RBFOX1: variants seen among roughly 807,000 people sequenced by gnomAD.
RBFOX1 encodes the protein RNA binding fox-1 homolog 1, also known as RNA binding protein fox-1 homolog 1.
Under a neutral mutation model 57.7 loss-of-function variants are expected in RBFOX1, and 8 were observed. The ratio of observed to expected loss-of-function variants is 0.14; its 90% CI spans 0.08 to 0.25. The LOEUF (loss-of-function observed/expected upper bound fraction) is 0.25. RBFOX1 is among the 10% of genes least tolerant of loss of function. The pLI is 1.00. For synonymous variants in RBFOX1, 326 were observed against 222.4 expected, an observed-to-expected ratio of 1.47 and a Z score of -4.15; for missense variants, 611 against 548.5, an observed-to-expected ratio of 1.11 and a Z score of -1.14.
chr16:5,250,526 G>C (rs1219629436), intron 1 of RBFOX1, among the ~76,000 whole-genome samples: 7 of 152,096 alleles, frequency 4.6e-5, no homozygotes, highest in African/African-American at 1.7e-4. Flanking sequence ...CACAGTGTTT[G>C]GTTTTCTGTT....
At chr16:5,263,469 T>C (rs2062785415) in intron 1 of RBFOX1, among the ~76,000 whole-genome samples, 1 of 152,154 alleles carries the variant, frequency 6.6e-6, no homozygotes, top group African/African-American at 2.4e-5. Context: ...ATCAAGGTTT[T>C]TCTTGTTAGC....
chr16:5,631,528 G>T (rs2048506408), intron 3 of RBFOX1, among the ~76,000 whole-genome samples: 1 of 151,436 alleles, frequency 6.6e-6, no homozygotes, highest in African/African-American at 2.4e-5. Flanking sequence ...CTGCACTCCA[G>T]CCTGGTGACA....
intron 3 of RBFOX1, among the ~76,000 whole-genome samples, chr16:5,768,481 G>C (rs1003288709): frequency 6.6e-6 from 1 of 152,160 alleles, no homozygotes; most frequent in Non-Finnish European, 1.5e-5. Flanking sequence ...GAAGGGGTAC[G>C]TGGCAGACAG....
At chr16:5,819,163 G>C (rs983136110) in intron 3 of RBFOX1, among the ~76,000 whole-genome samples, 3 of 152,166 alleles carry the variant, frequency 2.0e-5, no homozygotes, top group African/African-American at 7.2e-5. Flanking sequence ...CTGGAGGCTG[G>C]GAAGTGCAAA....
intron 2 of RBFOX1, among the ~76,000 whole-genome samples, chr16:6,585,192 G>C (rs2345605): frequency 0.85 from 128,667 of 152,016 alleles, 57,309 homozygotes; most frequent in East Asian, 1. Context: ...GTCCTCCATG[G>C]TATTTTTCCA....
chr16:6,901,042 G>C (rs2068353360), intron 3 of RBFOX1, among the ~76,000 whole-genome samples: 2 of 152,130 alleles, frequency 1.3e-5, no homozygotes, highest in Non-Finnish European at 2.9e-5. Context: ...ATGTATACCG[G>C]GTGCTGTGTT....
intron 3 of RBFOX1, among the ~76,000 whole-genome samples, chr16:5,665,136 G>GGGC (rs1364929993): frequency 7.0e-6 from 1 of 142,436 alleles, no homozygotes; most frequent in African/African-American, 2.5e-5. Flanking sequence ...TTACATGGGG[G>GGGC]GGGGCGGTCT....
chr16:6,109,496 C>T lies in RBFOX1; in HGVS notation c.-127+89504C>T, dbSNP rs537469081. Among the ~76,000 whole-genome samples the T allele has an allele frequency of 7.9e-5, 12 of 152,196 alleles. No individual in the cohort carries two copies. In the East Asian group the frequency reaches 9.7e-4, roughly 12 times the overall value. ...ACTCATGAGGCATAATATAGTTAGT[C>T]GATGATATATTTGTTGTAAAAAACT... On this transcript the variant is annotated intron_variant, in intron 1 of 15. Coordinates refer to ENST00000550418, the MANE Select transcript of RBFOX1 (RefSeq NM_018723.4).
At chr16:5,291,995 C>CTT (rs1204395537) in intron 1 of RBFOX1, among the ~76,000 whole-genome samples, 7 of 145,856 alleles carry the variant, frequency 4.8e-5, no homozygotes, top group African/African-American at 1.3e-4. Flanking sequence ...TTTGCAGTTA[C>CTT]TTTTTTTTTT....
chr16:7,639,931 C>T (rs1019291019), intron 11 of RBFOX1, among the ~76,000 whole-genome samples: 1 of 152,170 alleles, frequency 6.6e-6, no homozygotes, highest in African/African-American at 2.4e-5. Context: ...CAGCTACCCC[C>T]CACCCACCAA....
At chr16:6,799,165 G>T (rs1486063302) in intron 3 of RBFOX1, among the ~76,000 whole-genome samples, 1 of 152,064 alleles carries the variant, frequency 6.6e-6, no homozygotes, top group Non-Finnish European at 1.5e-5. Context: ...CTTTGCTCAG[G>T]AAAGAATTCA....
At chr16:5,958,404 A>G (rs1401395106) in intron 4 of RBFOX1, among the ~76,000 whole-genome samples, 1 of 152,114 alleles carries the variant, frequency 6.6e-6, no homozygotes, top group Admixed American at 6.5e-5. Context: ...AAGCCTTCCT[A>G]TCATACAGTG....
chr16:7,236,465 A>G (rs1279097521), intron 4 of RBFOX1, among the ~76,000 whole-genome samples: 1 of 152,096 alleles, frequency 6.6e-6, no homozygotes, highest in East Asian at 1.9e-4. Context: ...ATCTGGCAGA[A>G]TCTCTTTCTG....
chr16:6,959,794 G>C (rs866991007), intron 3 of RBFOX1, among the ~76,000 whole-genome samples: 3 of 152,110 alleles, frequency 2.0e-5, no homozygotes, highest in African/African-American at 7.2e-5. Flanking sequence ...AAAATTAGCC[G>C]GGTGTGTTGG....
chr16:5,666,731 A>G (rs2049857077), intron 3 of RBFOX1, among the ~76,000 whole-genome samples: 1 of 152,206 alleles, frequency 6.6e-6, no homozygotes, highest in Non-Finnish European at 1.5e-5. Context: ...TTTTCTAGGT[A>G]GGGAATGGAT....
chr16:7,058,638 T>A (rs1418816989), intron 4 of RBFOX1, among the ~76,000 whole-genome samples: 7 of 146,976 alleles, frequency 4.8e-5, no homozygotes, highest in African/African-American at 1.9e-4. Context: ...AAAAAAAGAT[T>A]AAACTAATTA....
chr16:5,799,335 G>A (rs1478985411), intron 3 of RBFOX1, among the ~76,000 whole-genome samples: 1 of 152,052 alleles, frequency 6.6e-6, no homozygotes, highest in African/African-American at 2.4e-5. Flanking sequence ...GATTTGGGTG[G>A]GGACATAGCC....
intron 1 of RBFOX1, among the ~76,000 whole-genome samples, chr16:5,447,022 T>G (rs746955430): frequency 6.6e-6 from 1 of 152,188 alleles, no homozygotes; most frequent in Admixed American, 6.5e-5. Flanking sequence ...TTTCCTGGTA[T>G]GTAGAAGCAC....
chr16:7,384,318 T>A (rs1412224553), intron 4 of RBFOX1, among the ~76,000 whole-genome samples: 2 of 152,154 alleles, frequency 1.3e-5, no homozygotes, highest in African/African-American at 4.8e-5. Context: ...TCATTTAGTG[T>A]TGCTGCTGAA....
Sources: allele counts gnomAD v4.1 joint callset (sites outside exome capture counted in the v4.1 genomes callset), GRCh38; gene constraint gnomAD v4.1.1; transcripts MANE v1.5; gene names NCBI Gene and HGNC (gene_info 2026-07-23, HGNC 2026-07-21).